Variants in MAP3K4 observed in about 807,000 individuals in gnomAD.
MAP3K4 encodes MAP three kinase 1.
Under a neutral mutation model 185.6 loss-of-function variants are expected in MAP3K4, and 67 were observed. The ratio of observed to expected loss-of-function variants is 0.36; its 90% CI spans 0.30 to 0.44. The LOEUF (loss-of-function observed/expected upper bound fraction) is 0.44. MAP3K4 is among the 20% of genes least tolerant of loss of function. The pLI is 1.00. For missense variants in MAP3K4, 1,551 were observed against 1,995.1 expected, an observed-to-expected ratio of 0.78 and a Z score of 4.24; for synonymous variants, 702 against 710.4, an observed-to-expected ratio of 0.99 and a Z score of 0.19.
At position 161,082,682 on chromosome 6, in the gene MAP3K4, C is replaced by A. The variant is rs527722179; in HGVS notation, c.2255+1644C>A. Among the ~76,000 whole-genome samples, 2 of 152,304 alleles carry A rather than the reference C, an allele frequency of 1.3e-5. No individual in the cohort carries two copies. Among genetic ancestry groups the A allele is most frequent in the Admixed American group, 1.3e-4 (2 of 15,304 alleles). ...CTGACTCCTTTGTTTCCTGCACACACTACCTCGACTCTTTTTGGGTGCCCT... is the reference window on the plus strand; with the variant it reads ...CTGACTCCTTTGTTTCCTGCACACAATACCTCGACTCTTTTTGGGTGCCCT... On this transcript the variant is annotated intron_variant, in intron 6 of 26. Transcript: ENST00000392142. The surrounding 1 kb of genome is among the most constrained non-coding windows in gnomAD (Gnocchi z 4.2).
chr6:161,047,731 T>C (rs1489725234), intron 2 of MAP3K4, among the ~76,000 whole-genome samples: 1 of 152,100 alleles, frequency 6.6e-6, no homozygotes, highest in East Asian at 1.9e-4. Context: ...CTTAAGGAAG[T>C]GTAAGAACCC....
In MAP3K4 at chr6:161,048,346, A is replaced by G. The variant is rs906384183; in HGVS notation, c.344-270A>G. 1.9e-5 allele frequency: 12 copies of G among 630,808 alleles called. No individual in the cohort carries two copies. The African/African-American group carries it at 2.0e-4, about 10-fold the overall frequency. The allele number at this position is 630,808 out of a possible 1,614,324, so 39.1% of individuals were successfully genotyped here. A position where few individuals can be genotyped will look rare whatever the true frequency, so the allele number is the denominator to read the frequency against. Reference sequence around the variant, plus strand: ...ATTTGATAACTATGCTTTGTAGCATAGAGAGAAATAAACAGCTAGTTTAGG... The same window carrying G: ...ATTTGATAACTATGCTTTGTAGCATGGAGAGAAATAAACAGCTAGTTTAGG... On this transcript the variant is annotated intron_variant, in intron 2 of 26. Transcript: ENST00000392142. This position sits in a 1 kb window ranked among gnomAD's most constrained non-coding sequence, Gnocchi z 4.7.
chr6:160,998,945 G>C (rs986438250), intron 1 of MAP3K4, among the ~76,000 whole-genome samples: 1 of 152,172 alleles, frequency 6.6e-6, no homozygotes, highest in African/African-American at 2.4e-5. Flanking sequence ...TGAATTACAA[G>C]AACGTTCATG....
rs930222786 is a variant in MAP3K4 at position 161,067,265 on chromosome 6, C to T, written c.1708-3343C>T. ...GGTTCCATCCAGAAAGACAGGACAA[C>T]TCGAAGCAGGGATGGGGCTTGCAGG... On this transcript the variant is annotated intron_variant, in intron 3 of 26. Transcript: ENST00000392142. The surrounding 1 kb of genome is among the most constrained non-coding windows in gnomAD (Gnocchi z 6.3). 1.8e-5 allele frequency: 8 copies of T among 443,078 alleles called. No individual in the cohort carries two copies. The highest frequency in any genetic ancestry group is 1.4e-4 in the African/African-American group (7 of 49,512). The allele number at this position is 443,078 out of a possible 1,614,324, so 27.4% of individuals were successfully genotyped here. A position where few individuals can be genotyped will look rare whatever the true frequency, so the allele number is the denominator to read the frequency against.
Position 161,101,873 on chromosome 6 carries a change from A to T in MAP3K4, c.3675-19A>T. 1 of 1,589,496 alleles carries T rather than the reference A, an allele frequency of 6.3e-7. No homozygotes were observed. The highest frequency in any genetic ancestry group is 1.3e-5 in the African/African-American group (1 of 74,424). ...GTTCTATTGAATTGATAGCTCAATTATTAAAAATATTAAAACAGGGGTTCC... is the reference window on the plus strand; with the variant it reads ...GTTCTATTGAATTGATAGCTCAATTTTTAAAAATATTAAAACAGGGGTTCC... On this transcript the variant is annotated intron_variant, in intron 17 of 26. Transcript: ENST00000392142. This position sits in a 1 kb window ranked among gnomAD's most constrained non-coding sequence, Gnocchi z 5.1.
In MAP3K4 at chr6:161,082,455, A is replaced by G. The variant is rs1785503748; in HGVS notation, c.2255+1417A>G. Among the ~76,000 whole-genome samples, 1 of 151,688 alleles carries G rather than the reference A, an allele frequency of 6.6e-6. No homozygotes were observed. Among genetic ancestry groups the G allele is most frequent in the South Asian group, 2.1e-4 (1 of 4,808 alleles). On this transcript the variant is annotated intron_variant, in intron 6 of 26. Coordinates refer to ENST00000392142, the MANE Select transcript of MAP3K4 (RefSeq NM_005922.4). The surrounding 1 kb of genome is among the most constrained non-coding windows in gnomAD (Gnocchi z 4.2). The stretch of plus-strand genomic sequence containing the variant: ...GTTTCTATCTTTTGCTTGTCCTTCA[A>G]ATTCCCTAGAGTGCAGTCTCTGGCC...
In MAP3K4 at chr6:161,093,102, A is replaced by T; in HGVS notation, c.3348+46A>T. 3.1e-6 allele frequency: 4 copies of T among 1,297,446 alleles called. No individual in the cohort carries two copies. Among genetic ancestry groups the T allele is most frequent in the South Asian group, 1.3e-5 (1 of 79,268 alleles). The allele number at this position is 1,297,446 out of a possible 1,614,324, so 80.4% of individuals were successfully genotyped here. A position where few individuals can be genotyped will look rare whatever the true frequency, so the allele number is the denominator to read the frequency against. ...TTTTTCATTATAAAATAAGCCAGTC[A>T]CTCCTTATTTTCTGGTTGTATATGT... On this transcript the variant is annotated intron_variant, in intron 14 of 26. Coordinates refer to ENST00000392142, the MANE Select transcript of MAP3K4 (RefSeq NM_005922.4). This position sits in a 1 kb window ranked among gnomAD's most constrained non-coding sequence, Gnocchi z 5.2.
intron 1 of MAP3K4, among the ~76,000 whole-genome samples, chr6:161,006,505 A>C (rs991636880): frequency 1.3e-5 from 2 of 152,234 alleles, no homozygotes; most frequent in Non-Finnish European, 2.9e-5. Context: ...GGATGTGCAT[A>C]GGTTATATGC....
In MAP3K4 at chr6:161,082,965, G is replaced by A. The variant is rs1479366482; in HGVS notation, c.2256-1536G>A. On this transcript the variant is annotated intron_variant, in intron 6 of 26. Coordinates refer to ENST00000392142, the MANE Select transcript of MAP3K4 (RefSeq NM_005922.4). This position sits in a 1 kb window ranked among gnomAD's most constrained non-coding sequence, Gnocchi z 4.2. ...GGAAACGTAAGACTGCCTAACAATG[G>A]CCCGCAAGGCCTGACATGGTCCTAT... Among the ~76,000 whole-genome samples the A allele has an allele frequency of 6.6e-6, 1 of 152,146 alleles. No individual in the cohort carries two copies. The highest frequency in any genetic ancestry group is 1.5e-5 in the Non-Finnish European group (1 of 68,032).
chr6:161,025,350 G>A (rs1433320017), intron 1 of MAP3K4, among the ~76,000 whole-genome samples: 1 of 152,156 alleles, frequency 6.6e-6, no homozygotes, highest in East Asian at 1.9e-4. Context: ...TTTCTGTGCC[G>A]TCAAAGCAAA....
At position 161,088,061 on chromosome 6, in the gene MAP3K4, A is replaced by G. The variant is rs1785828705; in HGVS notation, c.2823+107A>G. 1.7e-6 allele frequency: 2 copies of G among 1,162,172 alleles called. No individual in the cohort carries two copies. The highest frequency in any genetic ancestry group is 2.4e-6 in the Non-Finnish European group (2 of 842,774). The allele number at this position is 1,162,172 out of a possible 1,614,324, so 72.0% of individuals were successfully genotyped here. A position where few individuals can be genotyped will look rare whatever the true frequency, so the allele number is the denominator to read the frequency against. ...GGGTTTGACTACCCTAGTAATCACA[A>G]GTATATACTTCCCAAAAATATGCCT... On this transcript the variant is annotated intron_variant, in intron 10 of 26. Transcript: ENST00000392142. This position sits in a 1 kb window ranked among gnomAD's most constrained non-coding sequence, Gnocchi z 4.5.
chr6:160,998,473 C>A (rs1178887833), intron 1 of MAP3K4, among the ~76,000 whole-genome samples: 1 of 152,096 alleles, frequency 6.6e-6, no homozygotes, highest in South Asian at 2.1e-4. Context: ...TGAATTGTTA[C>A]TAAAATTGAA....
At position 161,051,368 on chromosome 6, in the gene MAP3K4, C is replaced by A. The variant is rs112295619; in HGVS notation, c.1707+1389C>A. 1.3e-4 allele frequency among the ~76,000 whole-genome samples: 19 copies of A among 151,998 alleles called. No individual in the cohort carries two copies. The highest frequency in any genetic ancestry group is 4.1e-4 in the African/African-American group (17 of 41,384). ...GATTTTAATTTTTTATTCTGACAGC[C>A]GGATTATGAGCCCTTAGGAGGAACG... is the stretch of plus-strand genomic sequence containing the variant. On this transcript the variant is annotated intron_variant, in intron 3 of 26. Coordinates refer to ENST00000392142, the MANE Select transcript of MAP3K4 (RefSeq NM_005922.4). This position sits in a 1 kb window ranked among gnomAD's most constrained non-coding sequence, Gnocchi z 4.2.
At chr6:161,006,270 A>G (rs969706790) in intron 1 of MAP3K4, among the ~76,000 whole-genome samples, 3 of 152,184 alleles carry the variant, frequency 2.0e-5, no homozygotes, top group African/African-American at 7.2e-5. Flanking sequence ...GGACTATTCA[A>G]TTTATAGAAG....
At position 161,114,732 on chromosome 6, in the gene MAP3K4, G is replaced by C. The variant is rs1371045675; in HGVS notation, c.4627-391G>C. Among the ~76,000 whole-genome samples the C allele has an allele frequency of 2.0e-5, 3 of 152,078 alleles. No homozygotes were observed. Among genetic ancestry groups the C allele is most frequent in the Non-Finnish European group, 4.4e-5 (3 of 68,020 alleles). Reference sequence around the variant, plus strand: ...GGTAGCATATTAACCATCCCTATAAGAGAATTGGGTTTTATAGACTTTTTT... The same window carrying C: ...GGTAGCATATTAACCATCCCTATAACAGAATTGGGTTTTATAGACTTTTTT... On this transcript the variant is annotated intron_variant, in intron 25 of 26. Coordinates refer to ENST00000392142, the MANE Select transcript of MAP3K4 (RefSeq NM_005922.4). This position sits in a 1 kb window ranked among gnomAD's most constrained non-coding sequence, Gnocchi z 4.3.
rs1046223311 is a variant in MAP3K4 at position 161,100,906 on chromosome 6, C to G, written c.3675-986C>G. ...GTAGAAATGTCCCCATCACTTCAGA[C>G]TTAACAAGTGCTATACTAGATTTGA... On this transcript the variant is annotated intron_variant, in intron 17 of 26. Coordinates refer to ENST00000392142, the MANE Select transcript of MAP3K4 (RefSeq NM_005922.4). This position sits in a 1 kb window ranked among gnomAD's most constrained non-coding sequence, Gnocchi z 5.8. 2.6e-5 allele frequency: 4 copies of G among 152,118 alleles called. No individual in the cohort carries two copies. The allele number at this position is 152,118 out of a possible 1,614,324, so 9.4% of individuals were successfully genotyped here. A position where few individuals can be genotyped will look rare whatever the true frequency, so the allele number is the denominator to read the frequency against.
chr6:161,077,874 A>AAT lies in MAP3K4; in HGVS notation c.2098-2998_2098-2997dup, dbSNP rs1554282313. Among the ~76,000 whole-genome samples the AAT allele has an allele frequency of 2.6e-5, 4 of 152,070 alleles. No individual in the cohort carries two copies. Among genetic ancestry groups the AAT allele is most frequent in the African/African-American group, 7.2e-5 (3 of 41,388 alleles). ...AACTAAGGGAAAGAGATGGGAAAAA[A>AAT]ATATATATATGTATTAATATGTATA... On this transcript the variant is annotated intron_variant, in intron 5 of 26. Coordinates refer to ENST00000392142, the MANE Select transcript of MAP3K4 (RefSeq NM_005922.4). This position sits in a 1 kb window ranked among gnomAD's most constrained non-coding sequence, Gnocchi z 4.3.
chr6:161,000,089 AC>A (rs1423995052), intron 1 of MAP3K4, among the ~76,000 whole-genome samples: 1 of 152,230 alleles, frequency 6.6e-6, no homozygotes, highest in Non-Finnish European at 1.5e-5. Flanking sequence ...GTCGTGACCT[AC>A]AGTAAGAAAT....
At chr6:161,035,309 C>T (rs941762336) in intron 2 of MAP3K4, among the ~76,000 whole-genome samples, 3 of 152,196 alleles carry the variant, frequency 2.0e-5, no homozygotes, top group African/African-American at 4.8e-5. Flanking sequence ...TGACCTCACA[C>T]TCATTTCTAC....
Sources: allele counts gnomAD v4.1 joint callset (sites outside exome capture counted in the v4.1 genomes callset), GRCh38; gene constraint gnomAD v4.1.1; non-coding constraint Gnocchi (gnomAD v3.1); transcripts MANE v1.5; gene names NCBI Gene and HGNC (gene_info 2026-07-23, HGNC 2026-07-21).